Variants in ARHGAP22 observed in about 807,000 individuals in gnomAD.
The protein encoded by ARHGAP22 is rho GTPase-activating protein 22.
ARHGAP22 carries 48 observed loss-of-function variants against 59.1 expected under a neutral mutation model. The observed-to-expected ratio is 0.81, with a 90% CI of 0.64 to 1.03. ARHGAP22 has a LOEUF of 1.03. ARHGAP22 is among the 50% of genes least tolerant of loss of function. The pLI is 0.00. For synonymous variants in ARHGAP22, 445 were observed against 416.4 expected (o/e 1.07, Z -0.84); for missense variants, 1,015 against 958.7 (o/e 1.06, Z -0.78).
chr10:48,628,383 GA>G (rs1277840613), intron 1 of ARHGAP22, among the ~76,000 whole-genome samples: 1 of 152,242 alleles, frequency 6.6e-6, no homozygotes, highest in Non-Finnish European at 1.5e-5. Flanking sequence ...TATTTTAAGA[GA>G]AAAGTGAGGC....
At chr10:48,531,230 A>C (rs1237227684) in intron 3 of ARHGAP22, among the ~76,000 whole-genome samples, 1 of 152,194 alleles carries the variant, frequency 6.6e-6, no homozygotes, top group Non-Finnish European at 1.5e-5. Flanking sequence ...ATGGGATGCA[A>C]AGGCATAAGA....
rs116309343 is a variant in ARHGAP22 at position 48,490,721 on chromosome 10, T to C, written c.323-10957A>G. On this transcript the variant is annotated intron_variant, in intron 3 of 9. Coordinates refer to ENST00000249601, the MANE Select transcript of ARHGAP22 (RefSeq NM_021226.4). ...TTTACACTGACCCCAGTCTCCCTGGTGGGCCCATCCGTTCTCAGGCGTTAA... is the reference window on the plus strand; with the variant it reads ...TTTACACTGACCCCAGTCTCCCTGGCGGGCCCATCCGTTCTCAGGCGTTAA... Among the ~76,000 whole-genome samples the C allele has an allele frequency of 5.7e-3, 874 of 152,300 alleles. 7 individuals are homozygous for C. The highest frequency in any genetic ancestry group is 0.02 in the African/African-American group (848 of 41,562).
chr10:48,456,375 A>C (rs1293808850), intron 5 of ARHGAP22, among the ~76,000 whole-genome samples: 2 of 152,126 alleles, frequency 1.3e-5, no homozygotes, highest in African/African-American at 4.8e-5. Context: ...CCTGAGGCTC[A>C]GTGACTCTTG....
chr10:48,631,034 T>C (rs1430769761), intron 1 of ARHGAP22, among the ~76,000 whole-genome samples: 1 of 152,252 alleles, frequency 6.6e-6, no homozygotes, highest in African/African-American at 2.4e-5. Flanking sequence ...ATTCATATGA[T>C]CATATGATTT....
the ARHGAP22 span, chr10:48,435,057 G>GTT: frequency 7.1e-6 from 3 of 421,632 alleles, no homozygotes; most frequent in Non-Finnish European, 1.4e-5. Context: ...GGGTGGGAGG[G>GTT]ATGGGGAGTC....
intron 1 of ARHGAP22, among the ~76,000 whole-genome samples, chr10:48,598,631 C>T (rs1017246624): frequency 6.6e-5 from 10 of 152,242 alleles, no homozygotes; most frequent in African/African-American, 2.4e-4. Flanking sequence ...ACTCCCTGCG[C>T]ACCTGCTGCC....
At chr10:48,630,607 T>C (rs1183521943) in intron 1 of ARHGAP22, among the ~76,000 whole-genome samples, 2 of 152,232 alleles carry the variant, frequency 1.3e-5, no homozygotes, top group South Asian at 4.1e-4. Flanking sequence ...TCATTGTTGA[T>C]ATAAAAAAGG....
intron 9 of ARHGAP22, 41 bp downstream of exon 9, chr10:48,450,218 GGC>G: frequency 6.3e-7 from 1 of 1,592,062 alleles, no homozygotes. Flanking sequence ...TCTCCCTGCA[GGC>G]TCCGCCCCGT....
At chr10:48,544,495 G>A (rs1282018723) in intron 3 of ARHGAP22, among the ~76,000 whole-genome samples, 3 of 152,094 alleles carry the variant, frequency 2.0e-5, no homozygotes, top group Admixed American at 6.5e-5. Context: ...TGTCCAATAC[G>A]GTGCCACCAC....
Position 48,450,638 on chromosome 10 carries a change from C to T in ARHGAP22, c.1491G>A (p.Ala497=). ...TGGGTATGCCGGGGACCAGGCCCGG[C>T]GCGGGCACATTGTCGTAGGTGGAGA... ...QRLSTYDNVP[A]PGLVPGIPSV... Residue 497 remains alanine, a synonymous_variant, in exon 9 of 10, where the codon GCG becomes GCA. Transcript: ENST00000249601. 3 of 1,549,692 alleles carry T rather than the reference C, an allele frequency of 1.9e-6. No individual in the cohort carries two copies. The highest frequency in any genetic ancestry group is 2.4e-5 in the East Asian group (1 of 40,940).
intron 2 of ARHGAP22, among the ~76,000 whole-genome samples, chr10:48,564,774 A>G (rs190979249): frequency 6.6e-6 from 1 of 152,356 alleles, no homozygotes; most frequent in Admixed American, 6.5e-5. Context: ...TTAGGGTGAC[A>G]GTCCCCTCAA....
intron 3 of ARHGAP22, chr10:48,510,603 T>A (rs570112690): frequency 6.6e-6 from 1 of 152,404 alleles, no homozygotes; most frequent in East Asian, 1.9e-4. Context: ...TTGTATGTAC[T>A]GTCTCCACCT....
At chr10:48,554,831 T>A (rs2057180486) in intron 3 of ARHGAP22, among the ~76,000 whole-genome samples, 2 of 152,106 alleles carry the variant, frequency 1.3e-5, no homozygotes, top group South Asian at 4.1e-4. Flanking sequence ...CTTCTCTGAC[T>A]CCCTTCCTCA....
rs1201051191 is a variant in ARHGAP22, at chr10:48,633,554, C to T, written c.52+18680G>A. 2.0e-5 allele frequency among the ~76,000 whole-genome samples: 3 copies of T among 152,174 alleles called. No homozygotes were observed. In the South Asian group the frequency reaches 6.2e-4, roughly 32 times the overall value. On this transcript the variant is annotated intron_variant, in intron 1 of 9. Coordinates refer to the ARHGAP22 transcript ENST00000435790. ...TTATTACAGTCTTGTGAGATATGGC[C>T]TATTGTGGTCTCACTTTTACAATGA...
chr10:48,635,386 C>T (rs891692492), intron 1 of ARHGAP22, among the ~76,000 whole-genome samples: 2 of 152,232 alleles, frequency 1.3e-5, no homozygotes, highest in African/African-American at 4.8e-5. Context: ...TGTCCCAGCC[C>T]CTTGGCCAGC....
chr10:48,581,585 A>G (rs1354601402), intron 2 of ARHGAP22, among the ~76,000 whole-genome samples: 1 of 152,128 alleles, frequency 6.6e-6, no homozygotes, highest in Non-Finnish European at 1.5e-5. Flanking sequence ...CTCACATTTC[A>G]TCTGTGCTAT....
intron 3 of ARHGAP22, among the ~76,000 whole-genome samples, chr10:48,507,745 T>C (rs1042093758): frequency 4.6e-5 from 7 of 152,048 alleles, no homozygotes; most frequent in African/African-American, 1.7e-4. Flanking sequence ...CCGAATTTGC[T>C]CACAACCTCA....
chr10:48,469,782 G>A (rs754267221), intron 4 of ARHGAP22, among the ~76,000 whole-genome samples: 1 of 152,240 alleles, frequency 6.6e-6, no homozygotes. Context: ...CTCAGGGTGT[G>A]TGGGCTGAAG....
At chr10:48,651,791 C>T (rs1167045715) in intron 1 of ARHGAP22, among the ~76,000 whole-genome samples, 2 of 152,106 alleles carry the variant, frequency 1.3e-5, no homozygotes, top group East Asian at 1.9e-4. Context: ...TAGTTACCTC[C>T]CAGACACTTT....
Sources: allele counts gnomAD v4.1 joint callset (sites outside exome capture counted in the v4.1 genomes callset), GRCh38; gene constraint gnomAD v4.1.1; transcripts MANE v1.5; gene names NCBI Gene and HGNC (gene_info 2026-07-23, HGNC 2026-07-21).